Variants in TRIP12 observed in about 807,000 individuals in gnomAD.
TRIP12 encodes the protein E3 ubiquitin-protein ligase TRIP12.
A neutral mutation model predicts 244.2 loss-of-function variants in TRIP12; 25 were observed. The observed-to-expected ratio is 0.10, with a 90% CI of 0.07 to 0.14. The LOEUF is 0.14. Among genes scored for constraint, TRIP12 ranks in the 10% least tolerant of loss-of-function variants. TRIP12 has a pLI of 1.00. For synonymous variants in TRIP12, 905 were observed against 873.1 expected (o/e 1.04, Z -0.64); for missense variants, 1,677 against 2,486.4 (o/e 0.67, Z 6.92).
At chr2:229,916,094 A>T (rs1161268628) in intron 1 of TRIP12, among the ~76,000 whole-genome samples, 1 of 152,238 alleles carries the variant, frequency 6.6e-6, no homozygotes, top group Non-Finnish European at 1.5e-5. Flanking sequence ...CAAGTGGAGA[A>T]AGGGCCTTGT....
intron 1 of TRIP12, among the ~76,000 whole-genome samples, chr2:229,914,209 A>G (rs539160776): frequency 5.9e-5 from 9 of 152,146 alleles, no homozygotes; most frequent in Admixed American, 4.6e-4. Context: ...TGCCTCAAAA[A>G]ATAAAAATAA....
intron 4 of TRIP12, among the ~76,000 whole-genome samples, chr2:229,848,323 C>T (rs1017359259): frequency 8.4e-6 from 1 of 118,452 alleles, no homozygotes; most frequent in Admixed American, 9.2e-5. Flanking sequence ...GCAGGCCCCC[C>T]CCGCCCCCCC....
intron 21 of TRIP12, among the ~76,000 whole-genome samples, chr2:229,800,776 A>C (rs1405453571): frequency 1.3e-5 from 2 of 152,150 alleles, no homozygotes; most frequent in African/African-American, 4.8e-5. Context: ...GAAATACTGC[A>C]TTTGAGCTGG....
intron 4 of TRIP12, among the ~76,000 whole-genome samples, chr2:229,856,691 C>A (rs1284868202): frequency 6.6e-6 from 1 of 152,120 alleles, no homozygotes; most frequent in East Asian, 1.9e-4. Context: ...CATAGCAGGA[C>A]TGACAGACAC....
At chr2:229,822,796 A>C (rs985399880) in intron 8 of TRIP12, among the ~76,000 whole-genome samples, 2 of 152,214 alleles carry the variant, frequency 1.3e-5, no homozygotes, top group African/African-American at 4.8e-5. Flanking sequence ...TGTTTTATAA[A>C]GTATTAAAAA....
chr2:229,789,515 C>T (rs2040899493), intron 31 of TRIP12, 96 bp downstream of exon 31: 1 of 1,455,286 alleles, frequency 6.9e-7, no homozygotes, highest in Non-Finnish European at 9.3e-7. Flanking sequence ...GCTAGGAGCC[C>T]TGCATTTAGC....
chr2:229,920,546 C>T (rs1348492940), intron 1 of TRIP12, among the ~76,000 whole-genome samples: 3 of 152,014 alleles, frequency 2.0e-5, no homozygotes, highest in South Asian at 2.1e-4. Context: ...AAACTATGCC[C>T]ACCACCAGAC....
chr2:229,769,202 C>G, intron 40 of TRIP12, 29 bp downstream of exon 40: 1 of 1,596,570 alleles, frequency 6.3e-7, no homozygotes, highest in Non-Finnish European at 8.6e-7. Flanking sequence ...TCAGAATCAA[C>G]AGAAAAACTG....
chr2:229,915,130 G>C (rs942033254), intron 1 of TRIP12, among the ~76,000 whole-genome samples: 1 of 152,100 alleles, frequency 6.6e-6, no homozygotes, highest in African/African-American at 2.4e-5. Flanking sequence ...GCAGGCACCT[G>C]TATCCCGGCT....
At chr2:229,921,090 C>G (rs929903486) in intron 1 of TRIP12, among the ~76,000 whole-genome samples, 1 of 144,610 alleles carries the variant, frequency 6.9e-6, no homozygotes, top group Non-Finnish European at 1.5e-5. Flanking sequence ...TAAAAGGATA[C>G]TCTATTCCTC....
At chr2:229,899,760 G>A (rs1237928297) in intron 1 of TRIP12, among the ~76,000 whole-genome samples, 1 of 152,002 alleles carries the variant, frequency 6.6e-6, no homozygotes, top group Admixed American at 6.6e-5. Flanking sequence ...GTCTAGAATG[G>A]GAGGCAAAAA....
chr2:229,770,160 G>T lies in TRIP12; in HGVS notation c.5809-835C>A, dbSNP rs566679526. On this transcript the variant is annotated intron_variant, in intron 39 of 41. Transcript: ENST00000675903. ...TAATTATTTTTTTTATTTTAGACAA[G>T]GTCTCACTATGTTGCCCAGCCTAAT... Among the ~76,000 whole-genome samples, 3 of 152,122 alleles carry T rather than the reference G, an allele frequency of 2.0e-5. No individual in the cohort carries two copies. In the East Asian group the frequency reaches 5.8e-4, roughly 29 times the overall value.
Position 229,829,298 on chromosome 2 carries a change from A to AAAG in TRIP12, c.1355-13_1355-11dup. 1 of 1,607,772 alleles carries AAAG rather than the reference A, an allele frequency of 6.2e-7. No individual in the cohort carries two copies. On this transcript the variant is annotated splice_polypyrimidine_tract_variant and intron_variant, in intron 7 of 41. Coordinates refer to ENST00000675903, the MANE Select transcript of TRIP12 (RefSeq NM_001348323.3). ...CTTGCCTCTAACAAAGCTAAAGAAA[A>AAAG]AAGAAGGGCAGAGTGAACAACTAAG...
At chr2:229,779,467 C>A (rs1488093147) in intron 34 of TRIP12, among the ~76,000 whole-genome samples, 1 of 152,184 alleles carries the variant, frequency 6.6e-6, no homozygotes, top group African/African-American at 2.4e-5. Context: ...CATGACTTTA[C>A]CACAATTTCA....
Position 229,792,198 on chromosome 2 carries a change from T to C in TRIP12, c.4170A>G (p.Glu1390=), listed in dbSNP as rs2041700518. 1 of 1,613,924 alleles carries C rather than the reference T, an allele frequency of 6.2e-7. No individual in the cohort carries two copies. Among genetic ancestry groups the C allele is most frequent in the Admixed American group, 1.7e-5 (1 of 59,992 alleles). Residue 1390 remains glutamate, a synonymous_variant, in exon 28 of 42, where the codon GAA becomes GAG. Coordinates refer to ENST00000675903, the MANE Select transcript of TRIP12 (RefSeq NM_001348323.3). The part of the protein sequence containing the change: ...RGYGRVREDD[E]DSDDDGSDEE... Reference sequence around the variant, plus strand: ...CATCTGATCCATCGTCATCGCTGTCTTCATCATCTTCTCTTACTCTTCCAT... The same window carrying C: ...CATCTGATCCATCGTCATCGCTGTCCTCATCATCTTCTCTTACTCTTCCAT...
Position 229,774,172 on chromosome 2 carries a change from C to A in TRIP12, c.5619G>T (p.Gly1873=), listed in dbSNP as rs1426775541. ...CTTTCTTCAGTTCGATATTGGGAAA[C>A]CCTGGCAGAGTGAAATCCAGTCCTA... is the stretch of plus-strand genomic sequence containing the variant. ...EDLGLDFTLP[G]FPNIELKKGG... The change falls in exon 38 of 42, where the codon GGG becomes GGT. Residue 1873 remains glycine, a synonymous_variant. Transcript: ENST00000675903. The A allele has an allele frequency of 1.2e-6, 2 of 1,614,158 alleles. No homozygotes were observed. The highest frequency in any genetic ancestry group is 2.2e-5 in the South Asian group (2 of 91,078).
chr2:229,849,744 G>A (rs1198902851), intron 4 of TRIP12, among the ~76,000 whole-genome samples: 3 of 152,000 alleles, frequency 2.0e-5, no homozygotes, highest in African/African-American at 4.8e-5. Context: ...ATGGTGGCAT[G>A]TGCCTGTGGT....
Position 229,795,241 on chromosome 2 carries a change from G to C in TRIP12, c.3906C>G (p.Ser1302Arg). ...ALVHKMNNCLSQMEQFPVKVH... is the reference protein window; with the variant it reads ...ALVHKMNNCLRQMEQFPVKVH... ...CTTTGACTGGAAATTGTTCCATCTG[G>C]CTGAGGCAGTTGTTCATCTTGTGAA... Residue 1302 changes from serine to arginine, a missense_variant, in exon 26 of 42, where the codon AGC becomes AGG. By Grantham distance (110) the Ser-to-Arg change is moderately radical. Coordinates refer to ENST00000675903, the MANE Select transcript of TRIP12 (RefSeq NM_001348323.3). The C allele has an allele frequency of 6.2e-7, 1 of 1,613,940 alleles. No homozygotes were observed.
chr2:229,769,291 G>A lies in TRIP12; in HGVS notation c.5843C>T (p.Thr1948Ile). ...DQLLCGSKAD[T>I]WDAKTLMECC... ...TTCCATCAGTGTCTTTGCATCCCAA[G>A]TGTCTGCTTTACTGCCACAAAGGAG... Residue 1948 changes from threonine (T) to isoleucine (I), a missense_variant, in exon 40 of 42, where the codon ACT (threonine) becomes ATT (isoleucine). This residue lies in a region of TRIP12 where 171 missense variants were observed against 388.4 expected (regional missense o/e 0.44). Transcript: ENST00000675903. 1 of 1,614,004 alleles carries A rather than the reference G, an allele frequency of 6.2e-7. No homozygotes were observed. Among genetic ancestry groups the A allele is most frequent in the Non-Finnish European group, 8.5e-7 (1 of 1,179,958 alleles).
Sources: gnomAD v4.1 joint callset for allele counts (sites outside exome capture counted in the v4.1 genomes callset) on GRCh38, gnomAD v4.1.1 for gene constraint, gnomAD v4.1.1 regional missense constraint, MANE v1.5 for transcripts, NCBI Gene and HGNC (gene_info 2026-07-23, HGNC 2026-07-21) for gene names.